Variants in DENND4A observed in about 807,000 individuals in gnomAD.
DENND4A encodes DENN domain containing 4A.
A neutral mutation model predicts 199.3 loss-of-function variants in DENND4A; 70 were observed. The observed-to-expected ratio is 0.35, with a 90% CI of 0.29 to 0.43. The LOEUF is 0.43. Ranked by LOEUF, DENND4A falls within the 20% of genes least tolerant of loss-of-function variation. The pLI, the probability that DENND4A is intolerant of heterozygous loss-of-function variation, is 1.00. For missense variants in DENND4A, 1,723 were observed against 2,255.8 expected, an observed-to-expected ratio of 0.76 and a Z score of 4.78; for synonymous variants, 686 against 766.9, an observed-to-expected ratio of 0.89 and a Z score of 1.74.
intron 22 of DENND4A, among the ~76,000 whole-genome samples, chr15:65,692,784 T>A (rs2077016794): frequency 6.6e-6 from 1 of 152,130 alleles, no homozygotes; most frequent in South Asian, 2.1e-4. Context: ...CCTGGAGGAA[T>A]CTTGTAACCA....
chr15:65,750,196 G>A (rs10431804), intron 4 of DENND4A, among the ~76,000 whole-genome samples: 30,145 of 152,112 alleles, frequency 0.2, 4,021 homozygotes, highest in East Asian at 0.73. Flanking sequence ...CGTGGATGCA[G>A]CTGGAGGTCA....
chr15:65,702,902 G>T lies in DENND4A; in HGVS notation c.2194C>A (p.Pro732Thr), dbSNP rs771579448. The T allele has an allele frequency of 6.2e-7, 1 of 1,613,030 alleles. No individual in the cohort carries two copies. Among genetic ancestry groups the T allele is most frequent in the South Asian group, 1.1e-5 (1 of 91,008 alleles). The change falls in exon 16 of 33, where the codon CCT (proline) becomes ACT (threonine). Residue 732 changes from proline (P) to threonine (T), a missense_variant. Pro to Thr is a conservative substitution (Grantham distance 38, BLOSUM62 -1). Coordinates refer to ENST00000443035, the MANE Select transcript of DENND4A (RefSeq NM_001320835.1). ...LPSKSSSPNSPLPMFRRTKQE... is the reference protein window; with the variant it reads ...LPSKSSSPNSTLPMFRRTKQE... ...TTTGTTCTTCTGAACATGGGCAAAG[G>T]GCTATTAGGACTACTTGATTTTGAA...
intron 4 of DENND4A, among the ~76,000 whole-genome samples, chr15:65,751,742 T>C (rs141386665): frequency 6.6e-6 from 1 of 152,262 alleles, no homozygotes; most frequent in East Asian, 1.9e-4. Context: ...TGTAGAAACC[T>C]GCTGAAAAAT....
At chr15:65,716,612 A>G (rs1378557170) in intron 13 of DENND4A, among the ~76,000 whole-genome samples, 1 of 152,044 alleles carries the variant, frequency 6.6e-6, no homozygotes, top group East Asian at 1.9e-4. Flanking sequence ...TCCATGGTAT[A>G]TACGTGCCAC....
In DENND4A at chr15:65,691,403, T is replaced by G; in HGVS notation, c.3191A>C (p.Asn1064Thr). The G allele has an allele frequency of 6.2e-7, 1 of 1,613,614 alleles. No homozygotes were observed. The highest frequency in any genetic ancestry group is 1.1e-5 in the South Asian group (1 of 91,060). The part of the protein sequence containing the change: ...RKRHKSDNET[N>T]LQQQVVWGNR... The stretch of plus-strand genomic sequence containing the variant: ...TCCCCAGACCACTTGCTGCTGCAAA[T>G]TAGTTTCATTGTCACTTTTATGTCT... The change falls in exon 23 of 33, where the codon AAT (asparagine) becomes ACT (threonine). Residue 1064 changes from asparagine to threonine, a missense_variant. Coordinates refer to ENST00000443035, the MANE Select transcript of DENND4A (RefSeq NM_001320835.1).
At chr15:65,706,363 A>C in intron 14 of DENND4A, 139 bp from the exon 15 acceptor site, 3 of 814,720 alleles carry the variant, frequency 3.7e-6, no homozygotes, top group Non-Finnish European at 3.5e-6. Flanking sequence ...CAAGTTCTCT[A>C]TGAGTGCCAA....
intron 1 of DENND4A, among the ~76,000 whole-genome samples, chr15:65,777,845 C>G (rs933859783): frequency 2.6e-4 from 39 of 152,038 alleles, no homozygotes; most frequent in Non-Finnish European, 4.6e-4. Context: ...ACCAGTCTGG[C>G]CAATACGGTG....
At chr15:65,667,305 G>T in intron 29 of DENND4A, 144 bp downstream of exon 29, 2 of 998,224 alleles carry the variant, frequency 2.0e-6, no homozygotes, top group East Asian at 2.7e-5. Flanking sequence ...ACTCCAGCCT[G>T]GCGAAAGAGT....
chr15:65,755,080 A>T (rs2076665526), intron 3 of DENND4A, among the ~76,000 whole-genome samples: 1 of 152,256 alleles, frequency 6.6e-6, no homozygotes, highest in Non-Finnish European at 1.5e-5. Context: ...AAATGGAATA[A>T]AGTACCGACA....
intron 11 of DENND4A, chr15:65,727,755 C>T (rs574483295): frequency 3.6e-6 from 1 of 277,432 alleles, no homozygotes; most frequent in African/African-American, 2.3e-5. Flanking sequence ...GACAGTGCAT[C>T]AATTTCCTCT....
intron 1 of DENND4A, among the ~76,000 whole-genome samples, chr15:65,775,746 G>A (rs1266301326): frequency 6.8e-6 from 1 of 147,644 alleles, no homozygotes; most frequent in Non-Finnish European, 1.5e-5. Flanking sequence ...ATAACAAAAA[G>A]TGATTTGAGT....
intron 23 of DENND4A, among the ~76,000 whole-genome samples, chr15:65,678,983 C>A (rs968623988): frequency 4.6e-5 from 7 of 151,180 alleles, no homozygotes; most frequent in African/African-American, 1.7e-4. Context: ...AGCCACCATG[C>A]CTGGGCTTTA....
intron 1 of DENND4A, among the ~76,000 whole-genome samples, chr15:65,766,086 T>C (rs1462769921): frequency 6.6e-6 from 1 of 151,910 alleles, no homozygotes; most frequent in Non-Finnish European, 1.5e-5. Flanking sequence ...CTGTCTCTAC[T>C]AAAAAATTAC....
At chr15:65,707,502 T>C (rs377348781) in intron 14 of DENND4A, among the ~76,000 whole-genome samples, 3 of 152,270 alleles carry the variant, frequency 2.0e-5, no homozygotes, top group East Asian at 3.9e-4. Context: ...ATATAAATTA[T>C]TGATTATAAT....
chr15:65,672,650 C>T (rs570915659), intron 24 of DENND4A, among the ~76,000 whole-genome samples: 1 of 151,520 alleles, frequency 6.6e-6, no homozygotes, highest in Non-Finnish European at 1.5e-5. Flanking sequence ...GCTGTTTGCT[C>T]TTAAATACTT....
At chr15:65,708,111 C>T (rs531156975) in intron 14 of DENND4A, among the ~76,000 whole-genome samples, 3 of 152,204 alleles carry the variant, frequency 2.0e-5, no homozygotes, top group African/African-American at 7.2e-5. Context: ...ATCCTCCTGC[C>T]TTAGTCTCTC....
In DENND4A at chr15:65,690,607, G is replaced by C; in HGVS notation, c.3987C>G (p.Phe1329Leu). Residue 1329 changes from phenylalanine (F) to leucine (L), a missense_variant, in exon 23 of 33, where the codon TTC (phenylalanine) becomes TTG (leucine). Physicochemically the swap from Phe to Leu is conservative, Grantham distance 22. Around this residue, in one of 6 missense-constraint regions of DENND4A, gnomAD observed 650 missense variants for 738.1 expected, o/e 0.88. Transcript: ENST00000443035. ...PRDRLWSSPA[F>L]SPTCPFREES... ...CTTCCCTAAATGGGCAAGTAGGTGAGAAGGCTGGAGAAGACCAAAGTCTAT... is the reference window on the plus strand; with the variant it reads ...CTTCCCTAAATGGGCAAGTAGGTGACAAGGCTGGAGAAGACCAAAGTCTAT... 6.2e-7 allele frequency: 1 copy of C among 1,613,612 alleles called. No individual in the cohort carries two copies. Among genetic ancestry groups the C allele is most frequent in the Non-Finnish European group, 8.5e-7 (1 of 1,179,712 alleles).
chr15:65,739,897 C>T (rs112235957), intron 5 of DENND4A, among the ~76,000 whole-genome samples: 14,633 of 152,096 alleles, frequency 0.096, 879 homozygotes, highest in Non-Finnish European at 0.14. Context: ...GTGATGAAGG[C>T]CGGCTGGGCG....
intron 1 of DENND4A, among the ~76,000 whole-genome samples, chr15:65,772,436 C>T (rs1025200011): frequency 5.3e-5 from 8 of 152,010 alleles, no homozygotes; most frequent in Non-Finnish European, 1.0e-4. Flanking sequence ...TGGCCAGGCA[C>T]GGTGGCTCAC....
Sources: gnomAD v4.1 joint callset for allele counts (sites outside exome capture counted in the v4.1 genomes callset) on GRCh38, gnomAD v4.1.1 for gene constraint, gnomAD v4.1.1 regional missense constraint, MANE v1.5 for transcripts, NCBI Gene and HGNC (gene_info 2026-07-23, HGNC 2026-07-21) for gene names.